The following ZBBX variants were observed in gnomAD, a reference collection of about 807,000 sequenced individuals.
The protein encoded by ZBBX is zinc finger B-box domain-containing protein 1.
ZBBX carries 101 observed loss-of-function variants against 108.5 expected under a neutral mutation model. That is an observed-to-expected ratio of 0.93 (90% CI 0.79 to 1.10). The LOEUF is 1.10. Among genes scored for constraint, ZBBX ranks in the 50% least tolerant of loss-of-function variants. ZBBX has a pLI of 0.00. For missense variants in ZBBX, 1,009 were observed against 941.4 expected, an observed-to-expected ratio of 1.07 and a Z score of -0.94; for synonymous variants, 356 against 323.4, an observed-to-expected ratio of 1.10 and a Z score of -1.08.
chr3:167,238,046 C>G (rs1720300797), downstream of ZBBX, among the ~76,000 whole-genome samples: 1 of 151,902 alleles, frequency 6.6e-6, no homozygotes, highest in Admixed American at 6.6e-5. Context: ...TTCTTCATCA[C>G]AAGGGAAAAG....
At chr3:167,268,868 C>T (rs1035473527) in intron 20 of ZBBX, among the ~76,000 whole-genome samples, 1 of 152,084 alleles carries the variant, frequency 6.6e-6, no homozygotes, top group Non-Finnish European at 1.5e-5. Flanking sequence ...TCCAGGGGGC[C>T]GGAAACTATA....
At chr3:167,398,717 A>G (rs1748328060) in intron 1 of ZBBX, among the ~76,000 whole-genome samples, 1 of 152,034 alleles carries the variant, frequency 6.6e-6, no homozygotes, top group Admixed American at 6.6e-5. Context: ...GTTATACCAG[A>G]AGTAAATTGT....
Position 167,305,891 on chromosome 3 carries a change from T to C in ZBBX, c.1477A>G (p.Ile493Val). ...GAGGTGCTTTCCTCAATTTTTTCAA[T>C]GTCAGAAGAATACACATCAGGATCC... is the stretch of plus-strand genomic sequence containing the variant. The part of the protein sequence containing the change: ...IVDPDVYSSD[I>V]EKIEESTSFE... Residue 493 changes from isoleucine (I) to valine (V), a missense_variant, in exon 17 of 22, where the codon ATT becomes GTT. Transcript: ENST00000675490. The C allele has an allele frequency of 1.2e-6, 2 of 1,607,898 alleles. No individual in the cohort carries two copies. The highest frequency in any genetic ancestry group is 1.7e-6 in the Non-Finnish European group (2 of 1,177,758).
Position 167,317,610 on chromosome 3 carries a change from AAAG to A in ZBBX, c.984-16_984-14del. ...CTCTTGTGGAGTTCTACAAAATAAG[AAAG>A]AAGCAATTAAGAGACTGAAATATAT... On this transcript the variant is annotated splice_polypyrimidine_tract_variant and intron_variant, in intron 12 of 21. Coordinates refer to ENST00000675490, the MANE Select transcript of ZBBX (RefSeq NM_001199201.2). 1 of 1,577,816 alleles carries A rather than the reference AAAG, an allele frequency of 6.3e-7. No homozygotes were observed. Among genetic ancestry groups the A allele is most frequent in the South Asian group, 1.1e-5 (1 of 87,578 alleles).
the ZBBX span, among the ~76,000 whole-genome samples, chr3:167,212,497 G>C: frequency 2.6e-5 from 4 of 152,192 alleles, no homozygotes; most frequent in African/African-American, 7.2e-5. Context: ...CCAACAAGCT[G>C]CAGTTGACCC....
intron 2 of ZBBX, among the ~76,000 whole-genome samples, chr3:167,376,463 A>G (rs1213577415): frequency 6.6e-6 from 1 of 152,194 alleles, no homozygotes; most frequent in Non-Finnish European, 1.5e-5. Flanking sequence ...GAGATAAAAT[A>G]ATTTCCAAAG....
rs546004722 is a variant in ZBBX, at chr3:167,350,211, G to A, written c.528+209C>T. ...GACTCTAAGCTGTTTCTGCAACTAC[G>A]TTAAAACAGTTTAAATAGTAAAATA... On this transcript the variant is annotated intron_variant, in intron 9 of 21. Transcript: ENST00000675490. Among the ~76,000 whole-genome samples the A allele has an allele frequency of 2.0e-4, 30 of 151,912 alleles. 1 individual carries two copies. The highest frequency in any genetic ancestry group is 2.1e-4 in the South Asian group (1 of 4,814).
At chr3:167,181,951 T>TG in the ZBBX span, among the ~76,000 whole-genome samples, 5,418 of 152,218 alleles carry the variant, frequency 0.036, 329 homozygotes, top group African/African-American at 0.12. Flanking sequence ...CCAGCTGTGG[T>TG]GGGGGGCAGG....
chr3:167,348,368 G>GAAAA (rs1222677422), intron 9 of ZBBX, among the ~76,000 whole-genome samples: 54 of 111,638 alleles, frequency 4.8e-4, no homozygotes, highest in Admixed American at 1.5e-3. Context: ...AAGAAAGAAA[G>GAAAA]AAAAAAAAGA....
At chr3:167,305,323 T>C (rs1050642002) in intron 17 of ZBBX, among the ~76,000 whole-genome samples, 3 of 152,150 alleles carry the variant, frequency 2.0e-5, no homozygotes, top group Non-Finnish European at 4.4e-5. Context: ...GTATTTATTA[T>C]ACTGTATTAT....
intron 20 of ZBBX, among the ~76,000 whole-genome samples, chr3:167,274,815 G>C (rs1044427532): frequency 3.9e-5 from 6 of 152,120 alleles, no homozygotes; most frequent in Admixed American, 2.0e-4. Context: ...AGATTTTGCA[G>C]TCTGACCCCA....
intron 8 of ZBBX, among the ~76,000 whole-genome samples, chr3:167,350,991 C>T (rs1577067163): frequency 6.6e-6 from 1 of 151,776 alleles, no homozygotes; most frequent in South Asian, 2.1e-4. Context: ...ATACTCTTTG[C>T]CCTCCAAAAT....
chr3:167,380,704 C>T (rs934001319), upstream of ZBBX, among the ~76,000 whole-genome samples: 4 of 152,062 alleles, frequency 2.6e-5, no homozygotes, highest in Admixed American at 6.5e-5. Context: ...CTCAGAACTC[C>T]CACATTTATG....
At chr3:167,374,492 G>T (rs962585495) in intron 2 of ZBBX, among the ~76,000 whole-genome samples, 1 of 152,104 alleles carries the variant, frequency 6.6e-6, no homozygotes, top group Middle Eastern at 3.2e-3. Context: ...AAAGAAATAT[G>T]AGTCAATATT....
chr3:167,348,364 GAAAGAAAA>G (rs1374796733), intron 9 of ZBBX, among the ~76,000 whole-genome samples: 33 of 129,700 alleles, frequency 2.5e-4, no homozygotes, highest in African/African-American at 7.9e-4. Flanking sequence ...AAGAAAGAAA[GAAAGAAAA>G]AAAAGAAAAG....
chr3:167,320,864 C>T (rs1408269265), intron 12 of ZBBX, among the ~76,000 whole-genome samples: 21 of 151,754 alleles, frequency 1.4e-4, no homozygotes. Flanking sequence ...AAACACCTGG[C>T]AAGTACTCTT....
chr3:167,384,599 A>G (rs550417970), upstream of ZBBX, among the ~76,000 whole-genome samples: 1 of 152,184 alleles, frequency 6.6e-6, no homozygotes, highest in East Asian at 1.9e-4. Flanking sequence ...ATGTAATCAG[A>G]TAGTAACCAG....
chr3:167,205,525 T>C, the ZBBX span, among the ~76,000 whole-genome samples: 2 of 152,192 alleles, frequency 1.3e-5, no homozygotes, highest in African/African-American at 4.8e-5. Flanking sequence ...GCTGACTTTA[T>C]AGAATTACTG....
the ZBBX span, among the ~76,000 whole-genome samples, chr3:167,221,043 T>C: frequency 6.6e-6 from 1 of 151,958 alleles, no homozygotes; most frequent in South Asian, 2.1e-4. Context: ...TATAAAATAC[T>C]GGTGAAAGAA....
Sources: allele counts gnomAD v4.1 joint callset (sites outside exome capture counted in the v4.1 genomes callset), GRCh38; gene constraint gnomAD v4.1.1; transcripts MANE v1.5; gene names NCBI Gene and HGNC (gene_info 2026-07-23, HGNC 2026-07-21).